The following FBXW7 variants were observed in gnomAD, a reference collection of about 807,000 sequenced individuals.
FBXW7 encodes the protein F-box and WD repeat domain containing 7.
FBXW7 carries 11 observed loss-of-function variants against 86.3 expected under a neutral mutation model. The observed-to-expected ratio is 0.13, with a 90% CI of 0.08 to 0.21. FBXW7 has a LOEUF of 0.21. FBXW7 is among the 10% of genes least tolerant of loss of function. The pLI is 1.00. For synonymous variants in FBXW7, 313 were observed against 297.9 expected, an observed-to-expected ratio of 1.05 and a Z score of -0.52; for missense variants, 488 against 847.4, an observed-to-expected ratio of 0.58 and a Z score of 5.27.
At chr4:152,341,931 G>A (rs908022106) in intron 6 of FBXW7, among the ~76,000 whole-genome samples, 7 of 152,132 alleles carry the variant, frequency 4.6e-5, no homozygotes, top group Admixed American at 2.6e-4. Context: ...AGATACTGTC[G>A]TTGTAATTAG....
At chr4:152,445,709 A>T (rs1741310404) in intron 2 of FBXW7, among the ~76,000 whole-genome samples, 1 of 152,092 alleles carries the variant, frequency 6.6e-6, no homozygotes, top group African/African-American at 2.4e-5. Flanking sequence ...GGAGTTAGAG[A>T]TCAGCCTGGG....
At chr4:152,374,194 C>T (rs966459894) in intron 4 of FBXW7, among the ~76,000 whole-genome samples, 1 of 151,906 alleles carries the variant, frequency 6.6e-6, no homozygotes, top group South Asian at 2.1e-4. Flanking sequence ...AAAACAGGTA[C>T]CCTATTAAAT....
chr4:152,401,491 A>T (rs369433472), intron 4 of FBXW7, among the ~76,000 whole-genome samples: 1 of 152,184 alleles, frequency 6.6e-6, no homozygotes, highest in East Asian at 1.9e-4. Context: ...AAAAAGCAAA[A>T]CTATGGAGAC....
chr4:152,337,748 T>A (rs888662507), intron 7 of FBXW7, 54 bp downstream of exon 7: 4 of 1,535,714 alleles, frequency 2.6e-6, no homozygotes, highest in Non-Finnish European at 3.5e-6. Context: ...GTGGTAGCTG[T>A]TGAGTTATAT....
At chr4:152,405,716 G>A (rs759769850) in intron 4 of FBXW7, among the ~76,000 whole-genome samples, 1 of 152,066 alleles carries the variant, frequency 6.6e-6, no homozygotes, top group African/African-American at 2.4e-5. Context: ...ATTGCCTGGC[G>A]GGTAAGAAAA....
chr4:152,387,542 C>T (rs895212029), intron 4 of FBXW7, among the ~76,000 whole-genome samples: 4 of 139,722 alleles, frequency 2.9e-5, no homozygotes, highest in African/African-American at 5.3e-5. Flanking sequence ...GGAAAACAAT[C>T]ATAAATCAAT....
Position 152,337,850 on chromosome 4 carries a change from C to T in FBXW7, c.813G>A (p.Val271=), listed in dbSNP as rs1248789068. The T allele has an allele frequency of 6.2e-7, 1 of 1,612,396 alleles. No individual in the cohort carries two copies. Among genetic ancestry groups the T allele is most frequent in the East Asian group, 2.2e-5 (1 of 44,736 alleles). The change falls in exon 7 of 14, where the codon GTG becomes GTA. Residue 271 remains valine (V), a synonymous_variant. Transcript: ENST00000281708. ...AGTCTCGTTGAAACTGGGGTTCTAT[C>T]ACTTGCATCATATGTTTTACTTGTG... ...EPTQVKHMMQ[V]IEPQFQRDFI...
At position 152,346,993 on chromosome 4, in the gene FBXW7, T is replaced by C. The variant is rs150895624; in HGVS notation, c.663A>G (p.Gln221=). 86 of 1,613,528 alleles carry C rather than the reference T, an allele frequency of 5.3e-5. No individual in the cohort carries two copies. Among genetic ancestry groups the C allele is most frequent in the Non-Finnish European group, 7.0e-5 (83 of 1,179,826 alleles). The change falls in exon 6 of 14, where the codon CAA becomes CAG. Residue 221 remains glutamine (Q), a synonymous_variant. Coordinates refer to ENST00000281708, the MANE Select transcript of FBXW7 (RefSeq NM_001349798.2). ...DLRAANGQGQ[Q]RRRITSVQPP... is the part of the protein sequence containing the mutation. ...GCTGGACAGATGTAATTCGGCGTCGTTGTTGCCCTTGGCCATTGGCTGCTC... is the reference window on the plus strand; with the variant it reads ...GCTGGACAGATGTAATTCGGCGTCGCTGTTGCCCTTGGCCATTGGCTGCTC...
chr4:152,326,585 T>C (rs910868174), intron 11 of FBXW7, among the ~76,000 whole-genome samples: 16 of 152,030 alleles, frequency 1.1e-4, no homozygotes, highest in African/African-American at 3.6e-4. Context: ...ATTTTGATTT[T>C]AGAAATAAAA....
At chr4:152,463,084 T>C (rs1442465026) in intron 2 of FBXW7, among the ~76,000 whole-genome samples, 2 of 151,946 alleles carry the variant, frequency 1.3e-5, no homozygotes, top group Non-Finnish European at 1.5e-5. Context: ...GGCCAGGAGT[T>C]CAAGACCAGC....
chr4:152,404,233 G>A (rs1274381011), intron 4 of FBXW7, among the ~76,000 whole-genome samples: 3 of 152,114 alleles, frequency 2.0e-5, no homozygotes, highest in African/African-American at 7.2e-5. Context: ...TCCTCCATTA[G>A]GAGCATTATA....
intron 4 of FBXW7, among the ~76,000 whole-genome samples, chr4:152,384,862 A>G (rs1315762803): frequency 6.6e-6 from 1 of 152,034 alleles, no homozygotes; most frequent in East Asian, 1.9e-4. Context: ...GATATCCAAG[A>G]TACCATGTCT....
intron 2 of FBXW7, among the ~76,000 whole-genome samples, chr4:152,501,589 T>C (rs1050812233): frequency 6.6e-6 from 1 of 152,204 alleles, no homozygotes; most frequent in African/African-American, 2.4e-5. Context: ...AATTGTATAT[T>C]CATCCAAATT....
At chr4:152,477,546 A>C (rs1309486586) in intron 2 of FBXW7, among the ~76,000 whole-genome samples, 2 of 152,190 alleles carry the variant, frequency 1.3e-5, no homozygotes, top group African/African-American at 4.8e-5. Context: ...AAAAATAGTA[A>C]ACCCCAAAAA....
At chr4:152,365,334 T>C (rs532270292) in intron 4 of FBXW7, among the ~76,000 whole-genome samples, 37 of 152,218 alleles carry the variant, frequency 2.4e-4, no homozygotes, top group African/African-American at 8.7e-4. Context: ...GAAAAAGATA[T>C]AATCAGATGT....
chr4:152,446,953 A>G (rs1741458345), intron 2 of FBXW7, among the ~76,000 whole-genome samples: 2 of 152,220 alleles, frequency 1.3e-5, no homozygotes, highest in South Asian at 4.1e-4. Context: ...AAGTCAAGAG[A>G]GTCTATAAAC....
intron 2 of FBXW7, among the ~76,000 whole-genome samples, chr4:152,477,916 C>T (rs891541603): frequency 6.6e-6 from 1 of 151,978 alleles, no homozygotes; most frequent in Non-Finnish European, 1.5e-5. Flanking sequence ...TACTGATACT[C>T]TTTTTCATTT....
chr4:152,471,395 G>GAGAA (rs1285132696), intron 2 of FBXW7, among the ~76,000 whole-genome samples: 3 of 140,880 alleles, frequency 2.1e-5, no homozygotes, highest in Non-Finnish European at 4.6e-5. Flanking sequence ...GAAGGAAGGA[G>GAGAA]GGAAGGAGGG....
chr4:152,367,924 AG>A (rs1195075143), intron 4 of FBXW7, among the ~76,000 whole-genome samples: 1 of 152,102 alleles, frequency 6.6e-6, no homozygotes, highest in Non-Finnish European at 1.5e-5. Context: ...AATATAAAGA[AG>A]AAAAAAACTG....
Sources: allele counts gnomAD v4.1 joint callset (sites outside exome capture counted in the v4.1 genomes callset), GRCh38; gene constraint gnomAD v4.1.1; transcripts MANE v1.5; gene names NCBI Gene and HGNC (gene_info 2026-07-23, HGNC 2026-07-21).